The following LAMA2 variants were observed in gnomAD, a reference collection of about 807,000 sequenced individuals.
The protein encoded by LAMA2 is laminin subunit alpha-2.
In LAMA2, 269 loss-of-function variants were observed where a neutral mutation model predicts 364.8. That is an observed-to-expected ratio of 0.74 (90% CI 0.67 to 0.82). The LOEUF (loss-of-function observed/expected upper bound fraction) is 0.82, where lower values mean the gene tolerates loss of function less well. Among genes scored for constraint, LAMA2 ranks in the 40% least tolerant of loss-of-function variants. The pLI is 0.00. For missense variants in LAMA2, 3,807 were observed against 3,873.2 expected (o/e 0.98, Z 0.45); for synonymous variants, 1,379 against 1,370.6 (o/e 1.01, Z -0.14).
intron 1 of LAMA2, among the ~76,000 whole-genome samples, chr6:128,998,202 C>T (rs79310761): frequency 0.13 from 20,269 of 151,934 alleles, 1,452 homozygotes; most frequent in Middle Eastern, 0.18. Flanking sequence ...AGGAAGATGG[C>T]GAACCAGAAA....
intron 13 of LAMA2, among the ~76,000 whole-genome samples, chr6:129,251,102 A>G (rs977145450): frequency 8.2e-6 from 1 of 122,660 alleles, no homozygotes; most frequent in Non-Finnish European, 1.7e-5. Context: ...ATATATATAT[A>G]TATGGCAACT....
intron 10 of LAMA2, among the ~76,000 whole-genome samples, chr6:129,187,613 G>A (rs564129151): frequency 6.6e-6 from 1 of 151,878 alleles, no homozygotes; most frequent in East Asian, 1.9e-4. Context: ...ACCAAGTGAA[G>A]TTCTAGCATA....
At chr6:129,347,742 A>G (rs1028337665) in intron 30 of LAMA2, among the ~76,000 whole-genome samples, 41 of 152,202 alleles carry the variant, frequency 2.7e-4, no homozygotes, top group African/African-American at 9.2e-4. Context: ...AGTTGTGAAC[A>G]GAAAGAATAA....
At chr6:129,134,349 T>G (rs527451808) in intron 4 of LAMA2, among the ~76,000 whole-genome samples, 1 of 152,346 alleles carries the variant, frequency 6.6e-6, no homozygotes, top group South Asian at 2.1e-4. Context: ...GCATACGTAT[T>G]TTTGAAAACT....
Position 129,143,075 on chromosome 6 carries a change from A to G in LAMA2, c.640-826A>G, listed in dbSNP as rs143340680. Among the ~76,000 whole-genome samples, 126 of 152,032 alleles carry G rather than the reference A, an allele frequency of 8.3e-4. 1 individual carries two copies. The highest frequency in any genetic ancestry group is 2.9e-3 in the African/African-American group (122 of 41,506). On this transcript the variant is annotated intron_variant, in intron 4 of 64. Transcript: ENST00000421865. ...TCTTCATCAGAATTCTTTGCTCTTG[A>G]GAAGTCCCTGTGAGAGCCTGCCAGC... is the stretch of plus-strand genomic sequence containing the variant.
chr6:129,254,870 A>G (rs1289620297), intron 14 of LAMA2, among the ~76,000 whole-genome samples: 1 of 152,208 alleles, frequency 6.6e-6, no homozygotes, highest in African/African-American at 2.4e-5. Context: ...TATATTAGAT[A>G]TAGAACTCTG....
intron 1 of LAMA2, among the ~76,000 whole-genome samples, chr6:129,018,534 T>TAA (rs374794064): frequency 3.6e-5 from 5 of 139,234 alleles, no homozygotes; most frequent in Admixed American, 7.2e-5. Context: ...ACTTGAGATT[T>TAA]AAAAAAAAAA....
chr6:129,114,267 C>A, intron 4 of LAMA2, among the ~76,000 whole-genome samples: 1 of 151,992 alleles, frequency 6.6e-6, no homozygotes, highest in East Asian at 1.9e-4. Flanking sequence ...CAGAACCAAA[C>A]AATACTTTGA....
intron 1 of LAMA2, among the ~76,000 whole-genome samples, chr6:129,039,944 G>A (rs964638956): frequency 1.6e-4 from 25 of 152,174 alleles, no homozygotes; most frequent in South Asian, 2.1e-4. Context: ...TGGGGACCCC[G>A]GGTTAGGATG....
chr6:129,492,226 G>A, intron 57 of LAMA2, 89 bp from the exon 58 acceptor site: 1 of 1,458,108 alleles, frequency 6.9e-7, no homozygotes, highest in Non-Finnish European at 9.6e-7. Flanking sequence ...GCACACTAAT[G>A]GACTTAAAAA....
chr6:128,908,425 A>T (rs922041303), intron 1 of LAMA2, among the ~76,000 whole-genome samples: 2 of 149,704 alleles, frequency 1.3e-5, no homozygotes, highest in African/African-American at 4.9e-5. Context: ...ATTTGCGTAG[A>T]GGTGTTTATA....
chr6:128,910,999 G>T (rs1403080360), intron 1 of LAMA2, among the ~76,000 whole-genome samples: 1 of 151,130 alleles, frequency 6.6e-6, no homozygotes, highest in African/African-American at 2.5e-5. Context: ...CCCGTTCTTA[G>T]ATCTCCAGCT....
At chr6:129,129,586 T>A (rs2114932969) in intron 4 of LAMA2, among the ~76,000 whole-genome samples, 1 of 152,334 alleles carries the variant, frequency 6.6e-6, no homozygotes, top group South Asian at 2.1e-4. Flanking sequence ...ACCAGAGTGG[T>A]GCATATCCTA....
chr6:129,035,296 CTTTTCTTTTT>C (rs1414277116), intron 1 of LAMA2, among the ~76,000 whole-genome samples: 3 of 142,142 alleles, frequency 2.1e-5, no homozygotes, highest in Non-Finnish European at 4.6e-5. Context: ...CTTTTCTTTT[CTTTTCTTTTT>C]TTTTTTTTTA....
At chr6:129,272,571 A>G (rs1431071487) in intron 17 of LAMA2, among the ~76,000 whole-genome samples, 1 of 152,196 alleles carries the variant, frequency 6.6e-6, no homozygotes, top group Admixed American at 6.5e-5. Context: ...AAAAAAAAAT[A>G]CACACTGCAT....
In LAMA2 at chr6:129,478,681, A is replaced by C; in HGVS notation, c.7452-12A>C. On this transcript the variant is annotated splice_polypyrimidine_tract_variant and intron_variant, in intron 53 of 64. Transcript: ENST00000421865. Reference sequence around the variant, plus strand: ...TGATATTGCTTTTGCTTTTCATTTGACTATTCAATAGGCCAGAAGTAAATC... The same window carrying C: ...TGATATTGCTTTTGCTTTTCATTTGCCTATTCAATAGGCCAGAAGTAAATC... 6.2e-7 allele frequency: 1 copy of C among 1,613,370 alleles called. No individual in the cohort carries two copies. Among genetic ancestry groups the C allele is most frequent in the Non-Finnish European group, 8.5e-7 (1 of 1,179,464 alleles).
chr6:128,910,491 C>T (rs1432353310), intron 1 of LAMA2, among the ~76,000 whole-genome samples: 1 of 152,024 alleles, frequency 6.6e-6, no homozygotes, highest in Non-Finnish European at 1.5e-5. Flanking sequence ...GCTCCATCAG[C>T]TCCTTTAAGC....
chr6:129,115,901 T>C (rs1195724393), intron 4 of LAMA2, among the ~76,000 whole-genome samples: 2 of 152,176 alleles, frequency 1.3e-5, no homozygotes, highest in Non-Finnish European at 2.9e-5. Flanking sequence ...TGACAGCTGT[T>C]ATTATCATTT....
intron 16 of LAMA2, 71 bp downstream of exon 16, chr6:129,267,290 C>A: frequency 9.7e-7 from 1 of 1,030,366 alleles, no homozygotes; most frequent in Non-Finnish European, 1.5e-6. Flanking sequence ...TACAATTCAG[C>A]TACTACCCTG....
Sources: allele counts gnomAD v4.1 joint callset (sites outside exome capture counted in the v4.1 genomes callset), GRCh38; gene constraint gnomAD v4.1.1; transcripts MANE v1.5; gene names NCBI Gene and HGNC (gene_info 2026-07-23, HGNC 2026-07-21).